Variants in NEDD4L observed in about 807,000 individuals in gnomAD.
The protein encoded by NEDD4L is E3 ubiquitin-protein ligase NEDD4-like.
NEDD4L carries 54 observed loss-of-function variants against 148.9 expected under a neutral mutation model. The ratio of observed to expected loss-of-function variants is 0.36; its 90% CI spans 0.29 to 0.45. NEDD4L has a LOEUF of 0.45. Among genes scored for constraint, NEDD4L ranks in the 20% least tolerant of loss-of-function variants. The pLI is 1.00. For synonymous variants in NEDD4L, 433 were observed against 440.7 expected (o/e 0.98, Z 0.22); for missense variants, 856 against 1,233.8 (o/e 0.69, Z 4.59).
intron 1 of NEDD4L, among the ~76,000 whole-genome samples, chr18:58,084,707 G>A (rs553602492): frequency 6.6e-6 from 1 of 151,442 alleles, no homozygotes; most frequent in Admixed American, 6.6e-5. Flanking sequence ...GTGTGTGTGT[G>A]TGTTTGAGAC....
chr18:58,103,217 ATATAT>A (rs958608688), intron 1 of NEDD4L, among the ~76,000 whole-genome samples: 13 of 147,932 alleles, frequency 8.8e-5, no homozygotes, highest in South Asian at 2.1e-4. Context: ...CTTAAATTAC[ATATAT>A]TATATATATT....
chr18:58,162,758 A>C (rs948091740), intron 1 of NEDD4L, among the ~76,000 whole-genome samples: 7 of 151,980 alleles, frequency 4.6e-5, no homozygotes, highest in African/African-American at 1.7e-4. Context: ...TATGCATTAA[A>C]ATTTTTTAGA....
chr18:58,335,849 T>C (rs1393497330), intron 13 of NEDD4L: 1 of 256,226 alleles, frequency 3.9e-6, no homozygotes, highest in Non-Finnish European at 7.6e-6. Flanking sequence ...TTTTTCCATT[T>C]CATTAGAATG....
intron 1 of NEDD4L, among the ~76,000 whole-genome samples, chr18:58,140,426 A>G (rs1377378741): frequency 2.0e-5 from 3 of 152,224 alleles, no homozygotes; most frequent in Non-Finnish European, 4.4e-5. Context: ...TGCTGTGAAA[A>G]TGCCAGTCAG....
intron 22 of NEDD4L, among the ~76,000 whole-genome samples, chr18:58,369,199 G>A (rs1415850414): frequency 6.6e-6 from 1 of 152,192 alleles, no homozygotes; most frequent in African/African-American, 2.4e-5. Flanking sequence ...CGGAGGTGGG[G>A]TAGCATTTGA....
At chr18:58,069,136 CAAAAAAAA>C (rs1161273608) in intron 1 of NEDD4L, among the ~76,000 whole-genome samples, 87 of 73,240 alleles carry the variant, frequency 1.2e-3, no homozygotes, top group Non-Finnish European at 1.9e-3. Flanking sequence ...AATCTGTCTC[CAAAAAAAA>C]AAAAAAAAAA....
intron 2 of NEDD4L, chr18:58,195,333 C>A: frequency 1.0e-6 from 1 of 975,006 alleles, no homozygotes; most frequent in Non-Finnish European, 1.3e-6. Context: ...TTTTTTGTGT[C>A]TCTTGAATAC....
rs61140731 is a variant in NEDD4L, at chr18:58,178,168, A to T, written c.122+12307A>T. Among the ~76,000 whole-genome samples the T allele has an allele frequency of 8.5e-5, 13 of 152,288 alleles. No individual in the cohort carries two copies. In the East Asian group the frequency reaches 2.5e-3, roughly 29 times the overall value. ...TACAACATATATATTTAGAACTGGG[A>T]GTGTCAGTGTTATTTTGTCATGGTT... On this transcript the variant is annotated intron_variant, in intron 2 of 30. Coordinates refer to ENST00000400345, the MANE Select transcript of NEDD4L (RefSeq NM_001144967.3).
intron 2 of NEDD4L, among the ~76,000 whole-genome samples, chr18:58,214,406 T>C (rs1404737377): frequency 1.3e-5 from 2 of 152,260 alleles, no homozygotes; most frequent in African/African-American, 2.4e-5. Context: ...GAGATAGAAA[T>C]GTACACTCAG....
At chr18:58,107,061 G>A (rs1336972164) in intron 1 of NEDD4L, among the ~76,000 whole-genome samples, 3 of 152,106 alleles carry the variant, frequency 2.0e-5, no homozygotes, top group Admixed American at 2.0e-4. Context: ...ATCCCTCCTT[G>A]GCTTGCAATT....
chr18:58,167,320 G>T (rs1204810985), intron 2 of NEDD4L, among the ~76,000 whole-genome samples: 3 of 152,182 alleles, frequency 2.0e-5, no homozygotes, highest in African/African-American at 7.2e-5. Flanking sequence ...ATGGGCAGAA[G>T]GATCCCTGCT....
In NEDD4L at chr18:58,366,565, AAGG is replaced by A. The variant is rs1403086274; in HGVS notation, c.2063+341_2063+343del. ...TTGTCAGTGTTAGAATTCAAAAACA[AAGG>A]AGGTGTTTTTTGAACAAGAGTCGTT... is the stretch of plus-strand genomic sequence containing the variant. On this transcript the variant is annotated intron_variant, in intron 21 of 30. Transcript: ENST00000400345. The surrounding 1 kb of genome is among the most constrained non-coding windows in gnomAD (Gnocchi z 4.2). The A allele has an allele frequency of 2.0e-5, 4 of 197,436 alleles. No homozygotes were observed. Among genetic ancestry groups the A allele is most frequent in the Non-Finnish European group, 4.1e-5 (4 of 98,154 alleles). The allele number at this position is 197,436 out of a possible 1,614,324, so 12.2% of individuals were successfully genotyped here.
chr18:58,163,383 A>T (rs185418850), intron 1 of NEDD4L, among the ~76,000 whole-genome samples: 1 of 152,338 alleles, frequency 6.6e-6, no homozygotes, highest in Non-Finnish European at 1.5e-5. Context: ...CTAAAGAAAG[A>T]ACCCTGACTC....
At position 58,256,618 on chromosome 18, in the gene NEDD4L, T is replaced by C. The variant is rs1380108453; in HGVS notation, c.297+4564T>C. On this transcript the variant is annotated intron_variant, in intron 5 of 30. Transcript: ENST00000400345. The surrounding 1 kb of genome is among the most constrained non-coding windows in gnomAD (Gnocchi z 5.2). ...GCAGGACGAACTCCGCGGAGAGGAC[T>C]CCGCAGGGCCAGGGGTGCACATTTA... 1.6e-6 allele frequency: 2 copies of C among 1,232,002 alleles called. No individual in the cohort carries two copies. The highest frequency in any genetic ancestry group is 1.6e-5 in the African/African-American group (1 of 64,388). The allele number at this position is 1,232,002 out of a possible 1,614,324, so 76.3% of individuals were successfully genotyped here. A position where few individuals can be genotyped will look rare whatever the true frequency, so the allele number is the denominator to read the frequency against.
chr18:58,340,657 A>G (rs1421103893), intron 13 of NEDD4L, among the ~76,000 whole-genome samples: 1 of 152,228 alleles, frequency 6.6e-6, no homozygotes, highest in African/African-American at 2.4e-5. Context: ...CCTCTCATAC[A>G]CAGTGACACT....
chr18:58,250,017 C>T (rs778533369), intron 4 of NEDD4L, among the ~76,000 whole-genome samples: 3 of 152,270 alleles, frequency 2.0e-5, no homozygotes, highest in Non-Finnish European at 4.4e-5. Flanking sequence ...TGTTTAGACT[C>T]CTTTCAGTGG....
At position 58,397,351 on chromosome 18, in the gene NEDD4L, G is replaced by GTTTTTATTT. The variant is rs1452459067; in HGVS notation, c.*1087_*1095dup. The GTTTTTATTT allele has an allele frequency of 6.6e-6, 1 of 152,584 alleles. No homozygotes were observed. The highest frequency in any genetic ancestry group is 1.5e-5 in the Non-Finnish European group (1 of 68,012). 9.5% of individuals were successfully genotyped at this position (152,584 alleles called of 1,614,324 possible). A position where few individuals can be genotyped will look rare whatever the true frequency, so the allele number is the denominator to read the frequency against. ...CTACATGGAGGTCATATCTGGTTTT[G>GTTTTTATTT]TTTTTATTTTTTTATCATGAACATT... is the stretch of plus-strand genomic sequence containing the variant. On this transcript the variant is annotated 3_prime_UTR_variant, in exon 31 of 31. Transcript: ENST00000400345.
intron 2 of NEDD4L, among the ~76,000 whole-genome samples, chr18:58,185,168 A>G (rs1185988494): frequency 1.3e-5 from 2 of 152,170 alleles, no homozygotes; most frequent in Admixed American, 6.5e-5. Context: ...ATTTAGTGCC[A>G]CAGGAATGAC....
intron 13 of NEDD4L, among the ~76,000 whole-genome samples, chr18:58,338,944 G>C (rs1207759920): frequency 6.6e-6 from 1 of 152,150 alleles, no homozygotes; most frequent in Admixed American, 6.5e-5. Flanking sequence ...TAACCTGGTT[G>C]CTAGAATTCA....
Sources: gnomAD v4.1 joint callset for allele counts (sites outside exome capture counted in the v4.1 genomes callset) on GRCh38, gnomAD v4.1.1 for gene constraint, Gnocchi (gnomAD v3.1) non-coding constraint, MANE v1.5 for transcripts, NCBI Gene and HGNC (gene_info 2026-07-23, HGNC 2026-07-21) for gene names.